Variants in MTFR1 observed in about 807,000 individuals in gnomAD.
The protein encoded by MTFR1 is mitochondrial fission regulator 1.
Under a neutral mutation model 38.8 loss-of-function variants are expected in MTFR1, and 28 were observed. That is an observed-to-expected ratio of 0.72 (90% confidence interval 0.53 to 0.99). The LOEUF is 0.99. Among genes scored for constraint, MTFR1 ranks in the 50% least tolerant of loss-of-function variants. The pLI is 0.00. For missense variants in MTFR1, 358 were observed against 395.5 expected (o/e 0.91, Z 0.81); for synonymous variants, 145 against 137.0 (o/e 1.06, Z -0.41).
downstream of MTFR1, among the ~76,000 whole-genome samples, chr8:65,774,235 G>A (rs886368221): frequency 1.3e-5 from 2 of 152,240 alleles, no homozygotes; most frequent in Admixed American, 6.5e-5. Flanking sequence ...TATCGCTGAA[G>A]TATTACTCTT....
chr8:65,698,674 T>C (rs978723506), intron 4 of MTFR1, among the ~76,000 whole-genome samples: 1 of 152,004 alleles, frequency 6.6e-6, no homozygotes, highest in Non-Finnish European at 1.5e-5. Context: ...ACTCAATAGG[T>C]AGTTTTTTGA....
chr8:65,649,064 TAAAAC>T (rs140565890), intron 1 of MTFR1, among the ~76,000 whole-genome samples: 29,079 of 151,984 alleles, frequency 0.19, 2,911 homozygotes, highest in Middle Eastern at 0.23. Flanking sequence ...ACAATACAAA[TAAAAC>T]AATACAGTAG....
At position 65,757,595 on chromosome 8, in the gene MTFR1, A is replaced by G. The variant is rs182924965; in HGVS notation, c.*49-13352A>G. Among the ~76,000 whole-genome samples the G allele has an allele frequency of 3.9e-3, 597 of 151,970 alleles. 6 individuals are homozygous for G. The highest frequency in any genetic ancestry group is 0.027 in the Middle Eastern group (8 of 294). On this transcript the variant is annotated intron_variant, in intron 3 of 3. Transcript: ENST00000521247. The stretch of plus-strand genomic sequence containing the variant: ...AGATAATGTTGTCTCTTGCTCCAAG[A>G]CTTTGTTTTTGTTTTGTTTTGTTTT...
rs142886854 is a variant in MTFR1, at chr8:65,723,930, A to C, written c.*48+4449A>C. Reference sequence around the variant, plus strand: ...GATCCGGGTTTTAAATTACACACACAAAAGTTTTACATGTTCATATGGCCC... The same window carrying C: ...GATCCGGGTTTTAAATTACACACACCAAAGTTTTACATGTTCATATGGCCC... On this transcript the variant is annotated intron_variant, in intron 3 of 3. Coordinates refer to the MTFR1 transcript ENST00000521247. Among the ~76,000 whole-genome samples the C allele has an allele frequency of 2.0e-5, 3 of 152,288 alleles. No homozygotes were observed. In the East Asian group the frequency reaches 5.8e-4, roughly 29 times the overall value.
intron 3 of MTFR1, among the ~76,000 whole-genome samples, chr8:65,684,379 T>A (rs1240716454): frequency 2.0e-5 from 3 of 151,876 alleles, no homozygotes; most frequent in Non-Finnish European, 4.4e-5. Context: ...TATTTCCAGT[T>A]ATATTGAGTC....
At chr8:65,644,190 A>G (rs763543624), upstream of MTFR1, among the ~76,000 whole-genome samples, 14 of 152,170 alleles carry the variant, frequency 9.2e-5, no homozygotes, top group Non-Finnish European at 1.3e-4. Context: ...CGTGCCCCAA[A>G]TGAATCGGAC....
At chr8:65,754,364 C>G (rs1044921203) in intron 3 of MTFR1, among the ~76,000 whole-genome samples, 1 of 151,998 alleles carries the variant, frequency 6.6e-6, no homozygotes, top group Non-Finnish European at 1.5e-5. Flanking sequence ...TCCTTCAATC[C>G]AATCAAGTTG....
At chr8:65,754,130 T>C (rs1414313467) in intron 3 of MTFR1, among the ~76,000 whole-genome samples, 1 of 152,142 alleles carries the variant, frequency 6.6e-6, no homozygotes, top group Non-Finnish European at 1.5e-5. Context: ...GTCTGATGTT[T>C]GAGGGATCCA....
chr8:65,681,090 T>A (rs1451506167), intron 2 of MTFR1, among the ~76,000 whole-genome samples: 2 of 151,220 alleles, frequency 1.3e-5, no homozygotes, highest in Non-Finnish European at 1.5e-5. Context: ...TTTTTTGTAT[T>A]TTTAGTAGAG....
chr8:65,776,314 T>C, the MTFR1 span, among the ~76,000 whole-genome samples: 73 of 152,300 alleles, frequency 4.8e-4, no homozygotes, highest in Non-Finnish European at 7.9e-4. Flanking sequence ...CTTTATTCTA[T>C]TGTCAGTCCT....
downstream of MTFR1, among the ~76,000 whole-genome samples, chr8:65,713,400 C>G (rs1047675440): frequency 6.7e-6 from 1 of 149,350 alleles, no homozygotes; most frequent in Non-Finnish European, 1.5e-5. Context: ...AAGATCACAC[C>G]GCTCCACTCT....
chr8:65,679,307 T>G (rs528226959), intron 2 of MTFR1, among the ~76,000 whole-genome samples: 1 of 152,268 alleles, frequency 6.6e-6, no homozygotes, highest in South Asian at 2.1e-4. Flanking sequence ...CAGGATCTAT[T>G]AAAATGTATA....
chr8:65,666,423 A>C (rs1804384555), intron 1 of MTFR1, among the ~76,000 whole-genome samples: 1 of 152,220 alleles, frequency 6.6e-6, no homozygotes, highest in Non-Finnish European at 1.5e-5. Flanking sequence ...AAACAAAAAC[A>C]AAACGCTCAA....
chr8:65,680,289 C>G (rs554177569), intron 2 of MTFR1, among the ~76,000 whole-genome samples: 12 of 152,114 alleles, frequency 7.9e-5, no homozygotes, highest in Middle Eastern at 3.4e-3. Context: ...TTAGACTCTC[C>G]TGTAGCTAGG....
intron 3 of MTFR1, among the ~76,000 whole-genome samples, chr8:65,725,157 C>G (rs926129729): frequency 6.6e-6 from 1 of 151,872 alleles, no homozygotes; most frequent in African/African-American, 2.4e-5. Context: ...TGCAAACATT[C>G]CAAAAGGAGA....
At chr8:65,696,177 A>C (rs1343469159) in intron 4 of MTFR1, among the ~76,000 whole-genome samples, 3 of 152,222 alleles carry the variant, frequency 2.0e-5, no homozygotes, top group South Asian at 2.1e-4. Flanking sequence ...GAGTAGTATT[A>C]GCTGGATAAA....
At chr8:65,774,012 C>G (rs534968495), downstream of MTFR1, among the ~76,000 whole-genome samples, 1 of 152,128 alleles carries the variant, frequency 6.6e-6, no homozygotes, top group African/African-American at 2.4e-5. Flanking sequence ...TATTGCAATA[C>G]CAAAACATAC....
intron 3 of MTFR1, among the ~76,000 whole-genome samples, chr8:65,685,242 A>AAATATTATTATTACTGAATATTATTACTG (rs1805037935): frequency 6.6e-6 from 1 of 152,192 alleles, no homozygotes; most frequent in Admixed American, 6.5e-5. Context: ...CAATGTGGGT[A>AAATATTATTATTACTGAATATTATTACTG]AATATTATTA....
chr8:65,668,170 TTTTTTTTTTTTTTC>T (rs1013120566), intron 1 of MTFR1, among the ~76,000 whole-genome samples: 2 of 140,156 alleles, frequency 1.4e-5, no homozygotes, highest in South Asian at 2.4e-4. Flanking sequence ...CAAGATTTTC[TTTTTTTTTTTTTTC>T]TTTTTTTTTT....
Sources: allele counts gnomAD v4.1 joint callset (sites outside exome capture counted in the v4.1 genomes callset), GRCh38; gene constraint gnomAD v4.1.1; transcripts MANE v1.5; gene names NCBI Gene and HGNC (gene_info 2026-07-23, HGNC 2026-07-21).